RAB3GAP2: variants seen among roughly 807,000 people sequenced by gnomAD.
The protein encoded by RAB3GAP2 is rab3 GTPase-activating protein non-catalytic subunit.
In RAB3GAP2, 87 loss-of-function variants were observed where a neutral mutation model predicts 185.3. That is an observed-to-expected ratio of 0.47 (90% CI 0.39 to 0.56). The LOEUF is 0.56. Among genes scored for constraint, RAB3GAP2 ranks in the 20% least tolerant of loss-of-function variants. The pLI, the probability that RAB3GAP2 is intolerant of heterozygous loss-of-function variation, is 0.00. For synonymous variants in RAB3GAP2, 554 were observed against 576.1 expected (o/e 0.96, Z 0.55); for missense variants, 1,492 against 1,638.2 (o/e 0.91, Z 1.54).
At chr1:220,183,967 T>G in intron 19 of RAB3GAP2, 69 bp downstream of exon 19, 1 of 1,285,300 alleles carries the variant, frequency 7.8e-7, no homozygotes, top group Non-Finnish European at 1.1e-6. Context: ...ACTTCTTTAC[T>G]ACTAATTTTA....
At chr1:220,239,056 A>T (rs755483423) in intron 1 of RAB3GAP2, among the ~76,000 whole-genome samples, 4 of 152,226 alleles carry the variant, frequency 2.6e-5, no homozygotes, top group Non-Finnish European at 5.9e-5. Context: ...ATACCCCCAT[A>T]AAAGCAGCTG....
At chr1:220,157,976 C>T (rs952314660) in intron 29 of RAB3GAP2, 100 bp from the exon 30 acceptor site, 4 of 880,840 alleles carry the variant, frequency 4.5e-6, no homozygotes, top group Middle Eastern at 2.1e-4. Context: ...GTTCAGCTGA[C>T]TTTCCACACT....
chr1:220,257,248 C>T (rs1242518174), intron 1 of RAB3GAP2, among the ~76,000 whole-genome samples: 2 of 151,838 alleles, frequency 1.3e-5, no homozygotes, highest in African/African-American at 2.4e-5. Context: ...CGTGGTGGCA[C>T]GTGCCTGTAG....
At chr1:220,181,030 T>G (rs527680112) in intron 21 of RAB3GAP2, among the ~76,000 whole-genome samples, 2 of 152,340 alleles carry the variant, frequency 1.3e-5, no homozygotes, top group Admixed American at 6.5e-5. Flanking sequence ...GTTTTAACAA[T>G]TTACACATTT....
intron 4 of RAB3GAP2, chr1:220,211,350 A>C (rs889566571): frequency 3.5e-5 from 17 of 483,026 alleles, no homozygotes; most frequent in African/African-American, 3.1e-4. Context: ...ATTTCCTACT[A>C]TCTCTCTCTC....
At chr1:220,225,952 A>G (rs1410058149) in intron 2 of RAB3GAP2, among the ~76,000 whole-genome samples, 1 of 152,324 alleles carries the variant, frequency 6.6e-6, no homozygotes, top group African/African-American at 2.4e-5. Flanking sequence ...TCCACTTCTC[A>G]GCCTGTAAAC....
In RAB3GAP2 at chr1:220,233,103, T is replaced by G. The variant is rs553918794; in HGVS notation, c.116-240A>C. On this transcript the variant is annotated intron_variant, in intron 1 of 34. Coordinates refer to ENST00000358951, the MANE Select transcript of RAB3GAP2 (RefSeq NM_012414.4). ...ATTGTGTGCAAGTTATTAGTGAAAT[T>G]GTGTGTGAGTTATCTGGATCTTAAG... Among the ~76,000 whole-genome samples, 255 of 152,306 alleles carry G rather than the reference T, an allele frequency of 1.7e-3. 2 individuals are homozygous for G. The highest frequency in any genetic ancestry group is 0.013 in the South Asian group (64 of 4,828).
chr1:220,195,216 A>C, intron 11 of RAB3GAP2, 49 bp from the exon 12 acceptor site: 1 of 1,606,904 alleles, frequency 6.2e-7, no homozygotes, highest in Non-Finnish European at 8.5e-7. Context: ...CCAGGGTTTT[A>C]AAGTGCAAAC....
chr1:220,149,349 G>GTCTGT lies in RAB3GAP2; in HGVS notation c.*1897_*1901dup, dbSNP rs1471628361. 1 of 152,130 alleles carries GTCTGT rather than the reference G, an allele frequency of 6.6e-6. No individual in the cohort carries two copies. Among genetic ancestry groups the GTCTGT allele is most frequent in the Non-Finnish European group, 1.5e-5 (1 of 68,014 alleles). 9.4% of individuals were successfully genotyped at this position (152,130 alleles called of 1,614,324 possible). On this transcript the variant is annotated 3_prime_UTR_variant, in exon 35 of 35. Transcript: ENST00000358951. ...TTCTCAGCAATCCCCAGATTTGATT[G>GTCTGT]TCTGTTCTACCAGAGTAAGCTTAAC...
intron 27 of RAB3GAP2, among the ~76,000 whole-genome samples, chr1:220,164,473 G>GTTTTTTTTTTTTTTTT (rs35024056): frequency 9.5e-5 from 10 of 105,644 alleles, no homozygotes; most frequent in South Asian, 3.2e-4. Flanking sequence ...TTTTTGTTTT[G>GTTTTTTTTTTTTTTTT]TTTTTTTTTT....
At chr1:220,267,368 T>C in intron 1 of RAB3GAP2, 2 of 1,212,030 alleles carry the variant, frequency 1.7e-6, no homozygotes, top group Non-Finnish European at 2.5e-6. Context: ...TGGGACTGTA[T>C]TTCTACTTCT....
At chr1:220,196,907 T>C (rs1405061726) in intron 9 of RAB3GAP2, among the ~76,000 whole-genome samples, 1 of 151,974 alleles carries the variant, frequency 6.6e-6, no homozygotes, top group Non-Finnish European at 1.5e-5. Context: ...AAAAACAAAA[T>C]TTAATTTTTT....
At chr1:220,167,897 T>A (rs942758813) in intron 24 of RAB3GAP2, among the ~76,000 whole-genome samples, 2 of 152,088 alleles carry the variant, frequency 1.3e-5, no homozygotes, top group African/African-American at 4.8e-5. Flanking sequence ...ATCCTTATAC[T>A]CTCAGAAAAT....
chr1:220,258,775 C>T (rs1660082746), intron 1 of RAB3GAP2, among the ~76,000 whole-genome samples: 1 of 152,060 alleles, frequency 6.6e-6, no homozygotes, highest in African/African-American at 2.4e-5. Context: ...GGTTCTCAAA[C>T]AGGAAGAGAG....
intron 24 of RAB3GAP2, 94 bp downstream of exon 24, chr1:220,170,797 AT>A (rs1658159970): frequency 9.7e-7 from 1 of 1,029,532 alleles, no homozygotes; most frequent in South Asian, 1.4e-5. Flanking sequence ...ATCTGAGTGT[AT>A]TTTTCTTTCT....
At position 220,182,767 on chromosome 1, in the gene RAB3GAP2, C is replaced by A. The variant is rs1321108653; in HGVS notation, c.2163G>T (p.Lys721Asn). 1.9e-6 allele frequency: 3 copies of A among 1,612,124 alleles called. No individual in the cohort carries two copies. The highest frequency in any genetic ancestry group is 2.5e-6 in the Non-Finnish European group (3 of 1,179,664). The part of the protein sequence containing the change: ...KTFLEYLEYE[K>N]DVLNIKKISE... ...TTATTTTCTTTATGTTGAGCACATC[C>A]TTTTCATATTCTAAATATTCCAAGA... is the stretch of plus-strand genomic sequence containing the variant. Residue 721 changes from lysine to asparagine, a missense_variant, in exon 20 of 35, where the codon AAG (lysine) becomes AAT (asparagine). Physicochemically the swap from Lys to Asn is moderately conservative, Grantham distance 94 (BLOSUM62 0). Coordinates refer to ENST00000358951, the MANE Select transcript of RAB3GAP2 (RefSeq NM_012414.4).
chr1:220,193,826 T>C (rs920664493), intron 12 of RAB3GAP2, among the ~76,000 whole-genome samples: 9 of 152,296 alleles, frequency 5.9e-5, no homozygotes, highest in African/African-American at 1.9e-4. Context: ...TTTTTCTAAA[T>C]AGTTATCTCT....
chr1:220,170,459 A>G (rs1362421641), intron 24 of RAB3GAP2, among the ~76,000 whole-genome samples: 1 of 151,820 alleles, frequency 6.6e-6, no homozygotes, highest in Admixed American at 6.6e-5. Flanking sequence ...AAAAAAAAGG[A>G]TATTTGGTGA....
At chr1:220,194,992 G>A (rs1435349124) in intron 12 of RAB3GAP2, 86 bp downstream of exon 12, 4 of 1,325,326 alleles carry the variant, frequency 3.0e-6, no homozygotes, top group Non-Finnish European at 4.4e-6. Context: ...GACAAGATCA[G>A]CAAATCAACC....
Sources: gnomAD v4.1 joint callset for allele counts (sites outside exome capture counted in the v4.1 genomes callset) on GRCh38, gnomAD v4.1.1 for gene constraint, MANE v1.5 for transcripts, NCBI Gene and HGNC (gene_info 2026-07-23, HGNC 2026-07-21) for gene names.